The following MCCC2 variants were observed in gnomAD, a reference collection of about 807,000 sequenced individuals.
MCCC2 encodes the protein methylcrotonoyl-CoA carboxylase beta chain, mitochondrial.
In MCCC2, 52 loss-of-function variants were observed where a neutral mutation model predicts 77.2. The ratio of observed to expected loss-of-function variants is 0.67; its 90% CI spans 0.54 to 0.85. The LOEUF is 0.85. Ranked by LOEUF, MCCC2 falls within the 40% of genes least tolerant of loss-of-function variation. MCCC2 has a pLI of 0.00. For missense variants in MCCC2, 682 were observed against 703.2 expected (o/e 0.97, Z 0.34); for synonymous variants, 253 against 248.4 (o/e 1.02, Z -0.18).
intron 10 of MCCC2, among the ~76,000 whole-genome samples, chr5:71,639,288 T>G (rs987585339): frequency 1.4e-4 from 21 of 152,266 alleles, no homozygotes; most frequent in African/African-American, 5.1e-4. Context: ...TGTTGTTTAA[T>G]GTAGCCACCT....
intron 6 of MCCC2, among the ~76,000 whole-genome samples, chr5:71,615,005 C>T (rs1442736240): frequency 6.6e-6 from 1 of 152,122 alleles, no homozygotes; most frequent in African/African-American, 2.4e-5. Context: ...CTCACTGTGT[C>T]ATCCAGGTTG....
chr5:71,612,852 G>C (rs745889920), intron 6 of MCCC2, among the ~76,000 whole-genome samples: 1 of 152,212 alleles, frequency 6.6e-6, no homozygotes, highest in African/African-American at 2.4e-5. Flanking sequence ...GGGTAGCTGG[G>C]ATTATAGGTG....
At chr5:71,599,988 A>G (rs1745359839) in intron 4 of MCCC2, among the ~76,000 whole-genome samples, 3 of 152,156 alleles carry the variant, frequency 2.0e-5, no homozygotes, top group Non-Finnish European at 4.4e-5. Flanking sequence ...CAATGTGGTG[A>G]AACCCTGTCT....
At chr5:71,629,222 AAGAAAC>A (rs2112419366) in intron 7 of MCCC2, among the ~76,000 whole-genome samples, 1 of 152,126 alleles carries the variant, frequency 6.6e-6, no homozygotes, top group South Asian at 2.1e-4. Flanking sequence ...AAAAGAAAGA[AAGAAAC>A]AGAAAAGGAC....
At chr5:71,647,662 T>C (rs1473564331) in intron 13 of MCCC2, among the ~76,000 whole-genome samples, 1 of 151,570 alleles carries the variant, frequency 6.6e-6, no homozygotes, top group Non-Finnish European at 1.5e-5. Context: ...ACAGGAGAGG[T>C]GTTTTAGGTA....
intron 6 of MCCC2, among the ~76,000 whole-genome samples, chr5:71,615,861 G>C (rs899918234): frequency 6.6e-6 from 1 of 152,168 alleles, no homozygotes; most frequent in Non-Finnish European, 1.5e-5. Context: ...GGTGATAGGA[G>C]CATCTTTTAT....
rs753168773 is a variant in MCCC2 at position 71,599,643 on chromosome 5, C to A, written c.282-16C>A. 1 of 1,595,608 alleles carries A rather than the reference C, an allele frequency of 6.3e-7. No homozygotes were observed. Among genetic ancestry groups the A allele is most frequent in the Non-Finnish European group, 8.6e-7 (1 of 1,163,144 alleles). ...TTAATGACATTAATTCAAACAACAT[C>A]CTTTCTTCGCTTTAGGTCTCCATTT... On this transcript the variant is annotated splice_polypyrimidine_tract_variant and intron_variant, in intron 3 of 16. Coordinates refer to ENST00000340941, the MANE Select transcript of MCCC2 (RefSeq NM_022132.5).
At chr5:71,595,435 A>AAAG (rs1384023541) in intron 2 of MCCC2, among the ~76,000 whole-genome samples, 2 of 151,758 alleles carry the variant, frequency 1.3e-5, no homozygotes, top group Non-Finnish European at 2.9e-5. Flanking sequence ...TCTCAAAAAA[A>AAAG]AAAAAAAAAA....
intron 12 of MCCC2, among the ~76,000 whole-genome samples, chr5:71,645,679 T>C (rs1031801025): frequency 3.3e-5 from 5 of 152,200 alleles, no homozygotes; most frequent in African/African-American, 1.2e-4. Flanking sequence ...CTCATTCGCA[T>C]CAGTTCTTTC....
intron 11 of MCCC2, chr5:71,641,305 C>G (rs1747115966): frequency 1.9e-6 from 1 of 521,550 alleles, no homozygotes; most frequent in African/African-American, 1.9e-5. Context: ...GTGTGGGTCC[C>G]TATCTGTGAC....
chr5:71,639,471 A>G (rs1380440663), intron 10 of MCCC2, among the ~76,000 whole-genome samples: 1 of 152,026 alleles, frequency 6.6e-6, no homozygotes, highest in Non-Finnish European at 1.5e-5. Context: ...CACCTATCCA[A>G]GCCTTCAGGG....
intron 4 of MCCC2, among the ~76,000 whole-genome samples, chr5:71,600,967 C>G (rs1745404190): frequency 6.6e-6 from 1 of 152,182 alleles, no homozygotes; most frequent in Non-Finnish European, 1.5e-5. Flanking sequence ...CATTGCCGAG[C>G]CTCAGTGGGA....
At chr5:71,616,276 C>G (rs1053136636) in intron 6 of MCCC2, among the ~76,000 whole-genome samples, 1 of 152,212 alleles carries the variant, frequency 6.6e-6, no homozygotes. Flanking sequence ...GTAAATTAGT[C>G]AAACCCAAGG....
At chr5:71,599,814 G>A in intron 4 of MCCC2, 54 bp downstream of exon 4, 5 of 1,355,082 alleles carry the variant, frequency 3.7e-6, no homozygotes, top group Non-Finnish European at 5.3e-6. Context: ...ACTTTGATGA[G>A]GCACAGGCAT....
intron 2 of MCCC2, among the ~76,000 whole-genome samples, chr5:71,594,334 G>C (rs1045244088): frequency 6.6e-6 from 1 of 152,076 alleles, no homozygotes; most frequent in African/African-American, 2.4e-5. Context: ...TTCGAGACCA[G>C]ACTGAGCAAC....
At chr5:71,590,037 AC>A in intron 1 of MCCC2, among the ~76,000 whole-genome samples, 1 of 152,332 alleles carries the variant, frequency 6.6e-6, no homozygotes, top group East Asian at 1.9e-4. Flanking sequence ...ACTGTCAGGC[AC>A]TAACCTCTGT....
intron 6 of MCCC2, among the ~76,000 whole-genome samples, chr5:71,615,593 G>A (rs958246352): frequency 6.6e-6 from 1 of 152,024 alleles, no homozygotes; most frequent in African/African-American, 2.4e-5. Flanking sequence ...TGGTACCTTA[G>A]TATGAAATAA....
At chr5:71,638,770 C>A (rs949007146) in intron 10 of MCCC2, among the ~76,000 whole-genome samples, 17 of 152,206 alleles carry the variant, frequency 1.1e-4, no homozygotes, top group Non-Finnish European at 2.1e-4. Flanking sequence ...ATCCACCCGT[C>A]TTGGCCTCCC....
At chr5:71,593,561 A>T (rs554839994) in intron 2 of MCCC2, among the ~76,000 whole-genome samples, 1 of 151,280 alleles carries the variant, frequency 6.6e-6, no homozygotes, top group African/African-American at 2.4e-5. Context: ...AATTTTTATT[A>T]ATTTTTTTTT....
Sources: allele counts gnomAD v4.1 joint callset (sites outside exome capture counted in the v4.1 genomes callset), GRCh38; gene constraint gnomAD v4.1.1; transcripts MANE v1.5; gene names NCBI Gene and HGNC (gene_info 2026-07-23, HGNC 2026-07-21).